The following TMX1 variants were observed in gnomAD, a reference collection of about 807,000 sequenced individuals.
The protein encoded by TMX1 is thioredoxin-related transmembrane protein 1.
In TMX1, 25 loss-of-function variants were observed where a neutral mutation model predicts 36.6. The ratio of observed to expected loss-of-function variants is 0.68; its 90% CI spans 0.50 to 0.95. The LOEUF (loss-of-function observed/expected upper bound fraction) is 0.95, where lower values mean the gene tolerates loss of function less well. Ranked by LOEUF, TMX1 falls within the 40% of genes least tolerant of loss-of-function variation. The pLI, the probability that TMX1 is intolerant of heterozygous loss-of-function variation, is 0.00. For missense variants in TMX1, 347 were observed against 339.6 expected (o/e 1.02, Z -0.17); for synonymous variants, 133 against 118.0 (o/e 1.13, Z -0.82).
chr14:51,240,431 T>A lies in TMX1; in HGVS notation c.139T>A (p.Trp47Arg). The part of the protein sequence containing the change: ...ENWRELLEGD[W>R]MIEFYAPWCP... ...CTGGAGAGAACTGCTGGAAGGAGAC[T>A]GGATGATAGAATTGTGAGTGCGGGG... Residue 47 changes from tryptophan (W) to arginine (R), a missense_variant, in exon 1 of 8, where the codon TGG (tryptophan) becomes AGG (arginine). Physicochemically the swap from Trp to Arg is moderately radical, Grantham distance 101. Transcript: ENST00000457354. The A allele has an allele frequency of 3.1e-6, 5 of 1,613,836 alleles. No individual in the cohort carries two copies. Among genetic ancestry groups the A allele is most frequent in the Non-Finnish European group, 3.4e-6 (4 of 1,179,932 alleles).
At chr14:51,253,623 T>C (rs1054419647) in intron 7 of TMX1, among the ~76,000 whole-genome samples, 1 of 152,246 alleles carries the variant, frequency 6.6e-6, no homozygotes, top group African/African-American at 2.4e-5. Flanking sequence ...CATGGTGTGC[T>C]CTAAGCTTAA....
intron 2 of TMX1, 122 bp downstream of exon 2, chr14:51,244,093 C>T: frequency 1.3e-6 from 1 of 778,514 alleles, no homozygotes. Flanking sequence ...TAACAGTCTG[C>T]AGCTAGTTAA....
intron 2 of TMX1, 33 bp from the exon 3 acceptor site, chr14:51,245,280 A>G (rs2065780121): frequency 7.4e-6 from 12 of 1,612,878 alleles, no homozygotes; most frequent in Non-Finnish European, 6.8e-6. Context: ...TGATTGGCCT[A>G]TGTAAAACCT....
chr14:51,245,235 T>G, intron 2 of TMX1, 78 bp from the exon 3 acceptor site: 1 of 1,509,616 alleles, frequency 6.6e-7, no homozygotes, highest in South Asian at 1.1e-5. Context: ...TTAGTATGTA[T>G]TTAAATAATT....
At chr14:51,244,076 GA>G in intron 2 of TMX1, 105 bp downstream of exon 2, 1 of 941,970 alleles carries the variant, frequency 1.1e-6, no homozygotes, top group Non-Finnish European at 1.5e-6. Context: ...TTTAGGTTTT[GA>G]AAACCTAACA....
rs955432720 is a variant in TMX1, at chr14:51,257,329, G to T, written c.*2810G>T. On this transcript the variant is annotated 3_prime_UTR_variant, in exon 8 of 8. Coordinates refer to ENST00000457354, the MANE Select transcript of TMX1 (RefSeq NM_030755.5). ...TACACAAAAAAAGGCATAGTTCTGG[G>T]CTTAATTGTGATGTAATTAAAATTA... The T allele has an allele frequency of 1.3e-5, 2 of 152,114 alleles. No homozygotes were observed. The highest frequency in any genetic ancestry group is 4.8e-5 in the African/African-American group (2 of 41,414). The allele number at this position is 152,114 out of a possible 1,614,324, so 9.4% of individuals were successfully genotyped here.
intron 7 of TMX1, chr14:51,253,786 C>A (rs1237634290): frequency 6.6e-6 from 1 of 152,106 alleles, no homozygotes; most frequent in African/African-American, 2.4e-5. Context: ...TTTATAAGAC[C>A]AGAAGAAGAT....
rs764267974 is a variant in TMX1, at chr14:51,240,320, C to G, written c.28C>G (p.Pro10Ala). Reference protein sequence around the residue: MAPSGSLAVPLAVLVLLLWG... With the variant: MAPSGSLAVALAVLVLLLWG... ...GGCGCCCTCCGGGAGTCTTGCAGTT[C>G]CCCTGGCAGTCCTGGTGCTGTTGCT... The change falls in exon 1 of 8, where the codon CCC becomes GCC. Residue 10 changes from proline to alanine, a missense_variant. By Grantham distance (27) the Pro-to-Ala change is conservative. Transcript: ENST00000457354. 7 of 1,613,114 alleles carry G rather than the reference C, an allele frequency of 4.3e-6. No homozygotes were observed. Among genetic ancestry groups the G allele is most frequent in the Non-Finnish European group, 5.9e-6 (7 of 1,179,976 alleles).
intron 1 of TMX1, among the ~76,000 whole-genome samples, 159 bp downstream of exon 1, chr14:51,240,603 G>A (rs1017065859): frequency 6.6e-6 from 1 of 152,152 alleles, no homozygotes; most frequent in Non-Finnish European, 1.5e-5. Context: ...GGGATCTGCC[G>A]CCAGCTTGGT....
At chr14:51,243,330 T>C (rs188693204) in intron 1 of TMX1, among the ~76,000 whole-genome samples, 1 of 152,334 alleles carries the variant, frequency 6.6e-6, no homozygotes, top group Admixed American at 6.5e-5. Context: ...CATATAAAAA[T>C]GCAGCTCTCC....
At position 51,249,356 on chromosome 14, in the gene TMX1, A is replaced by C. The variant is rs199795843; in HGVS notation, c.474A>C (p.Leu158=). 1,571 of 1,608,010 alleles carry C rather than the reference A, an allele frequency of 9.8e-4. 1 individual carries two copies. The highest frequency in any genetic ancestry group is 1.2e-3 in the Non-Finnish European group (1,432 of 1,178,162). ...GTAGTATGTCAGCACTCTTTCAGCT[A>C]TCTATGTGGATCAGGGTATGGACTA... ...LMSSMSALFQ[L]SMWIRTCHNY... The change falls in exon 5 of 8, where the codon CTA becomes CTC. Residue 158 remains leucine (L), a synonymous_variant. Transcript: ENST00000457354.
intron 7 of TMX1, among the ~76,000 whole-genome samples, chr14:51,250,572 A>G (rs978381620): frequency 6.6e-6 from 1 of 152,122 alleles, no homozygotes; most frequent in Non-Finnish European, 1.5e-5. Flanking sequence ...GCTCACTGCA[A>G]CCTCTGCCTT....
At chr14:51,252,382 T>C (rs1468827478) in intron 7 of TMX1, among the ~76,000 whole-genome samples, 2 of 151,708 alleles carry the variant, frequency 1.3e-5, no homozygotes, top group African/African-American at 4.8e-5. Flanking sequence ...GCATGGTCTA[T>C]GAGCCAGAGA....
At chr14:51,244,829 G>A (rs2065778023) in intron 2 of TMX1, among the ~76,000 whole-genome samples, 1 of 152,118 alleles carries the variant, frequency 6.6e-6, no homozygotes, top group Admixed American at 6.5e-5. Flanking sequence ...TAATATCAGT[G>A]CTTGACACAT....
chr14:51,245,400 A>G (rs770214515), intron 3 of TMX1, 42 bp downstream of exon 3: 15 of 1,610,550 alleles, frequency 9.3e-6, no homozygotes, highest in Admixed American at 5.0e-5. Flanking sequence ...AGGATGCATT[A>G]TAGTGTAATC....
intron 4 of TMX1, among the ~76,000 whole-genome samples, chr14:51,247,776 T>C (rs2065793423): frequency 6.6e-6 from 1 of 152,206 alleles, no homozygotes; most frequent in Non-Finnish European, 1.5e-5. Flanking sequence ...TTTAGCTTGC[T>C]AGATTTGGTC....
At chr14:51,246,927 C>A (rs2065788180) in intron 3 of TMX1, among the ~76,000 whole-genome samples, 165 bp from the exon 4 acceptor site, 1 of 151,962 alleles carries the variant, frequency 6.6e-6, no homozygotes, top group African/African-American at 2.4e-5. Context: ...AAATTGGGGG[C>A]TAAAATGTCA....
chr14:51,246,968 A>G, intron 3 of TMX1, 124 bp from the exon 4 acceptor site: 1 of 783,070 alleles, frequency 1.3e-6, no homozygotes, highest in Non-Finnish European at 1.9e-6. Context: ...TTTGCTATTA[A>G]TACTTGTACA....
At chr14:51,249,604 GAT>G (rs771237145) in intron 6 of TMX1, 35 bp downstream of exon 6, 25 of 1,600,520 alleles carry the variant, frequency 1.6e-5, no homozygotes, top group Non-Finnish European at 6.0e-6. Flanking sequence ...TAGGAAGAAA[GAT>G]ATTTAAAAAT....
Sources: gnomAD v4.1 joint callset for allele counts (sites outside exome capture counted in the v4.1 genomes callset) on GRCh38, gnomAD v4.1.1 for gene constraint, MANE v1.5 for transcripts, NCBI Gene and HGNC (gene_info 2026-07-23, HGNC 2026-07-21) for gene names.